MICAL2: variants seen among roughly 807,000 people sequenced by gnomAD.
MICAL2 encodes microtubule associated monooxygenase, calponin and LIM domain containing 2, also known as [F-actin]-monooxygenase MICAL2.
In MICAL2, 77 loss-of-function variants were observed where a neutral mutation model predicts 127.3. That is an observed-to-expected ratio of 0.60 (90% CI 0.50 to 0.73). The LOEUF is 0.73. Ranked by LOEUF, MICAL2 falls within the 30% of genes least tolerant of loss-of-function variation. The pLI is 0.00. For synonymous variants in MICAL2, 570 were observed against 551.1 expected (o/e 1.03, Z -0.48); for missense variants, 1,351 against 1,434.4 (o/e 0.94, Z 0.94).
At chr11:12,333,256 A>G (rs1416535548) in intron 32 of MICAL2, among the ~76,000 whole-genome samples, 1 of 152,218 alleles carries the variant, frequency 6.6e-6, no homozygotes, top group Non-Finnish European at 1.5e-5. Flanking sequence ...TGATTTTACA[A>G]CTACCATATT....
intron 15 of MICAL2, among the ~76,000 whole-genome samples, chr11:12,231,492 G>A (rs751870358): frequency 5.0e-4 from 76 of 152,212 alleles, no homozygotes; most frequent in Non-Finnish European, 1.0e-4. Flanking sequence ...GAAGAGCCGG[G>A]TGGCATTACG....
chr11:12,269,465 C>T (rs543832001), intron 24 of MICAL2, among the ~76,000 whole-genome samples: 3 of 152,346 alleles, frequency 2.0e-5, no homozygotes, highest in African/African-American at 7.2e-5. Flanking sequence ...CCCTGATACT[C>T]TGGAGCCTGC....
intron 3 of MICAL2, among the ~76,000 whole-genome samples, chr11:12,180,239 A>C (rs1857276266): frequency 6.6e-6 from 1 of 152,056 alleles, no homozygotes; most frequent in African/African-American, 2.4e-5. Flanking sequence ...TTGAAGAGAC[A>C]CCTTGAGGGA....
intron 1 of MICAL2, among the ~76,000 whole-genome samples, chr11:12,135,890 A>G (rs558375314): frequency 1.4e-4 from 21 of 151,750 alleles, no homozygotes; most frequent in Admixed American, 7.9e-4. Context: ...GTCTCGATCT[A>G]TCTCACACCG....
chr11:12,170,529 A>G (rs543791030), intron 3 of MICAL2, among the ~76,000 whole-genome samples: 1 of 152,352 alleles, frequency 6.6e-6, no homozygotes, highest in South Asian at 2.1e-4. Context: ...AGTGTATCAA[A>G]TCAAATGCAC....
chr11:12,150,483 G>T lies in MICAL2; in HGVS notation c.-77-11596G>T, dbSNP rs528317598. Among the ~76,000 whole-genome samples, 22 of 152,146 alleles carry T rather than the reference G, an allele frequency of 1.4e-4. No homozygotes were observed. In the South Asian group the frequency reaches 4.6e-3, roughly 32 times the overall value. ...CACAAAACATAGGGGATCTTTGGGG[G>T]ACAGACTCCATCAGATATAGCTGGG... On this transcript the variant is annotated intron_variant, in intron 2 of 27. Transcript: ENST00000683283.
chr11:12,278,981 G>C (rs959272121), intron 1 of MICAL2, among the ~76,000 whole-genome samples: 1 of 152,170 alleles, frequency 6.6e-6, no homozygotes, highest in Non-Finnish European at 1.5e-5. Context: ...TGATTTTAGA[G>C]GCTATTAAAG....
intron 2 of MICAL2, among the ~76,000 whole-genome samples, chr11:12,149,700 G>A (rs1277385447): frequency 6.6e-6 from 1 of 152,228 alleles, no homozygotes; most frequent in Non-Finnish European, 1.5e-5. Context: ...GGCTGCAGGA[G>A]AAGGAACAGG....
intron 30 of MICAL2, among the ~76,000 whole-genome samples, chr11:12,323,444 G>C (rs1033587634): frequency 1.3e-5 from 2 of 152,140 alleles, no homozygotes; most frequent in African/African-American, 4.8e-5. Context: ...GAGAGAGAGA[G>C]AGTATGTGTG....
intron 13 of MICAL2, 88 bp downstream of exon 13, chr11:12,224,908 A>G: frequency 6.9e-7 from 1 of 1,454,640 alleles, no homozygotes; most frequent in South Asian, 1.3e-5. Context: ...TTGGTTCAAT[A>G]TTTCTCTTTC....
chr11:12,294,968 C>A, downstream of MICAL2: 12 of 1,312,534 alleles, frequency 9.1e-6, no homozygotes, highest in East Asian at 2.8e-5. Flanking sequence ...CAAATACTAA[C>A]AAAAGTAGGA....
At chr11:12,313,699 A>C (rs952583190) in intron 29 of MICAL2, among the ~76,000 whole-genome samples, 1 of 152,082 alleles carries the variant, frequency 6.6e-6, no homozygotes, top group African/African-American at 2.4e-5. Context: ...TGTATCTTCT[A>C]TATCCTTGCT....
At chr11:12,243,598 G>C (rs1409660710) in intron 20 of MICAL2, among the ~76,000 whole-genome samples, 2 of 152,188 alleles carry the variant, frequency 1.3e-5, no homozygotes, top group African/African-American at 4.8e-5. Context: ...TGCAGCTATA[G>C]AGGCCCCTGC....
chr11:12,216,605 C>A (rs1470964939), intron 8 of MICAL2, among the ~76,000 whole-genome samples: 1 of 152,180 alleles, frequency 6.6e-6, no homozygotes, highest in East Asian at 1.9e-4. Flanking sequence ...TCTCATCCAG[C>A]CTTGCCTCTT....
chr11:12,171,249 T>C (rs1223590622), intron 3 of MICAL2, among the ~76,000 whole-genome samples: 2 of 152,102 alleles, frequency 1.3e-5, no homozygotes, highest in Non-Finnish European at 2.9e-5. Flanking sequence ...AAAACCCTCT[T>C]GCAGCTCCTG....
intron 2 of MICAL2, among the ~76,000 whole-genome samples, chr11:12,157,905 G>C (rs1336246926): frequency 1.3e-5 from 2 of 152,082 alleles, no homozygotes; most frequent in Non-Finnish European, 2.9e-5. Context: ...TTTCTATGAG[G>C]TTCCCTAGTT....
chr11:12,292,145 T>TA, downstream of MICAL2: 2 of 1,613,604 alleles, frequency 1.2e-6, no homozygotes, highest in East Asian at 4.5e-5. Flanking sequence ...CTTGGTAGGT[T>TA]TGACGCCAGT....
At chr11:12,127,680 T>C (rs1255288125) in intron 1 of MICAL2, among the ~76,000 whole-genome samples, 1 of 152,204 alleles carries the variant, frequency 6.6e-6, no homozygotes, top group Admixed American at 6.5e-5. Flanking sequence ...CAGTTGATCC[T>C]CTTCGACCTG....
Position 12,223,403 on chromosome 11 carries a change from G to C in MICAL2, c.1450-8G>C, listed in dbSNP as rs779837603. The C allele has an allele frequency of 1.9e-6, 3 of 1,612,774 alleles. No homozygotes were observed. Among genetic ancestry groups the C allele is most frequent in the Non-Finnish European group, 2.5e-6 (3 of 1,178,904 alleles). On this transcript the variant is annotated splice_polypyrimidine_tract_variant and splice_region_variant and intron_variant, in intron 11 of 27. Transcript: ENST00000683283. ...ACTGGTGGGCAAGCATGTCTCTCTTGCTCATAGGTGAAGCATTTGTATATC... is the reference window on the plus strand; with the variant it reads ...ACTGGTGGGCAAGCATGTCTCTCTTCCTCATAGGTGAAGCATTTGTATATC...
Sources: gnomAD v4.1 joint callset for allele counts (sites outside exome capture counted in the v4.1 genomes callset) on GRCh38, gnomAD v4.1.1 for gene constraint, MANE v1.5 for transcripts, NCBI Gene and HGNC (gene_info 2026-07-23, HGNC 2026-07-21) for gene names.